COL25A1: variants seen among roughly 807,000 people sequenced by gnomAD.
COL25A1 encodes the protein collagen alpha-1(XXV) chain.
Under a neutral mutation model 128.4 loss-of-function variants are expected in COL25A1, and 103 were observed. That is an observed-to-expected ratio of 0.80 (90% CI 0.68 to 0.94). The LOEUF is 0.94. COL25A1 is among the 40% of genes least tolerant of loss of function. The pLI is 0.00. For missense variants in COL25A1, 745 were observed against 840.0 expected (o/e 0.89, Z 1.40); for synonymous variants, 279 against 277.2 (o/e 1.01, Z -0.06).
intron 3 of COL25A1, among the ~76,000 whole-genome samples, chr4:109,159,044 G>A (rs897245116): frequency 2.0e-5 from 3 of 151,988 alleles, no homozygotes; most frequent in Admixed American, 2.0e-4. Context: ...AGTAAGTGGA[G>A]CAATCCATAA....
intron 8 of COL25A1, among the ~76,000 whole-genome samples, chr4:108,970,260 T>C (rs1018523583): frequency 1.3e-5 from 2 of 152,172 alleles, no homozygotes; most frequent in Non-Finnish European, 2.9e-5. Flanking sequence ...CAAAATAAGA[T>C]AAGCACAGAT....
chr4:108,831,018 G>C (rs1003208154), intron 32 of COL25A1, among the ~76,000 whole-genome samples: 6 of 152,152 alleles, frequency 3.9e-5, no homozygotes, highest in Non-Finnish European at 8.8e-5. Flanking sequence ...CTTTCTACAA[G>C]CATTCTTGGA....
intron 3 of COL25A1, among the ~76,000 whole-genome samples, chr4:109,135,598 C>G (rs1458316078): frequency 6.6e-6 from 1 of 151,952 alleles, no homozygotes; most frequent in South Asian, 2.1e-4. Flanking sequence ...CAGCTTAAGT[C>G]AAAATGGGGA....
At chr4:108,882,683 G>C in intron 19 of COL25A1, among the ~76,000 whole-genome samples, 1 of 152,056 alleles carries the variant, frequency 6.6e-6, no homozygotes, top group East Asian at 1.9e-4. Flanking sequence ...CAAATGATAA[G>C]GAAGTGACTT....
At chr4:108,965,569 A>C (rs913676598) in intron 8 of COL25A1, among the ~76,000 whole-genome samples, 5 of 152,210 alleles carry the variant, frequency 3.3e-5, no homozygotes, top group Non-Finnish European at 7.3e-5. Flanking sequence ...CTATGTTTTT[A>C]AGTCACTAAG....
chr4:109,218,363 T>TTTTG, intron 3 of COL25A1, among the ~76,000 whole-genome samples: 1 of 135,796 alleles, frequency 7.4e-6, no homozygotes, highest in Admixed American at 7.5e-5. Context: ...TGGGGTTTTT[T>TTTTG]TTTTTTTTTT....
At chr4:109,237,743 G>C (rs937291836) in intron 3 of COL25A1, among the ~76,000 whole-genome samples, 1 of 150,144 alleles carries the variant, frequency 6.7e-6, no homozygotes, top group African/African-American at 2.5e-5. Context: ...TCATATTGTT[G>C]TACAACCATC....
intron 11 of COL25A1, among the ~76,000 whole-genome samples, chr4:108,937,085 G>A (rs1293890839): frequency 3.9e-5 from 6 of 151,932 alleles, no homozygotes; most frequent in Non-Finnish European, 5.9e-5. Flanking sequence ...AGTGTGAGCC[G>A]TCCTCTGGCA....
chr4:108,953,042 T>C (rs190016680), intron 8 of COL25A1, among the ~76,000 whole-genome samples: 12 of 152,152 alleles, frequency 7.9e-5, no homozygotes, highest in African/African-American at 2.9e-4. Flanking sequence ...AAGAAGTAGA[T>C]GCCTATAATG....
intron 6 of COL25A1, among the ~76,000 whole-genome samples, chr4:108,996,188 G>C (rs1004922794): frequency 2.7e-5 from 4 of 150,638 alleles, no homozygotes; most frequent in Non-Finnish European, 5.9e-5. Flanking sequence ...TGGATAAAGA[G>C]TCAGGACCCA....
In COL25A1 at chr4:108,898,993, A is replaced by ATATCTC. The variant is rs1230785608; in HGVS notation, c.861+160_861+161insGAGATA. 3.1e-3 allele frequency among the ~76,000 whole-genome samples: 122 copies of ATATCTC among 38,922 alleles called. No homozygotes were observed. In the East Asian group the frequency reaches 0.13, roughly 40 times the overall value. The allele number at this position is 38,922 out of a possible 152,430, so 25.5% of individuals were successfully genotyped here. On this transcript the variant is annotated intron_variant, in intron 15 of 37. Coordinates refer to ENST00000399132, the MANE Select transcript of COL25A1 (RefSeq NM_198721.4). The stretch of plus-strand genomic sequence containing the variant: ...GAGTCATATCTATATCTATATATCT[A>ATATCTC]TATATCTATATATCTATATACCTAC...
intron 12 of COL25A1, among the ~76,000 whole-genome samples, chr4:108,919,229 CAG>C (rs919467698): frequency 1.3e-5 from 2 of 151,986 alleles, no homozygotes; most frequent in Non-Finnish European, 2.9e-5. Flanking sequence ...ACTAAAAAAA[CAG>C]TAATTATAAT....
chr4:109,292,637 T>G (rs541494497), intron 3 of COL25A1, among the ~76,000 whole-genome samples: 1 of 151,994 alleles, frequency 6.6e-6, no homozygotes, highest in African/African-American at 2.4e-5. Context: ...AGTATATCTA[T>G]GGGGGTTTGG....
At chr4:109,284,231 C>G (rs1723652482) in intron 3 of COL25A1, among the ~76,000 whole-genome samples, 1 of 152,204 alleles carries the variant, frequency 6.6e-6, no homozygotes, top group Non-Finnish European at 1.5e-5. Context: ...TTGAGACCAG[C>G]CTGGCCAACA....
At chr4:109,198,524 T>C (rs983706066) in intron 3 of COL25A1, among the ~76,000 whole-genome samples, 8 of 152,148 alleles carry the variant, frequency 5.3e-5, no homozygotes, top group Admixed American at 3.9e-4. Flanking sequence ...GTAAAACTCA[T>C]TGAACAATCA....
chr4:109,128,232 C>A (rs2126064354), intron 3 of COL25A1, among the ~76,000 whole-genome samples: 1 of 152,280 alleles, frequency 6.6e-6, no homozygotes, highest in South Asian at 2.1e-4. Flanking sequence ...CCAAACAGAT[C>A]TGCTGGCACA....
At chr4:108,943,142 T>C (rs1285108486) in intron 8 of COL25A1, among the ~76,000 whole-genome samples, 8 of 152,194 alleles carry the variant, frequency 5.3e-5, no homozygotes, top group Admixed American at 3.3e-4. Flanking sequence ...GATCTGTGTC[T>C]ACACGGTGTA....
chr4:109,263,017 T>C (rs1781552150), intron 3 of COL25A1, among the ~76,000 whole-genome samples: 1 of 151,984 alleles, frequency 6.6e-6, no homozygotes, highest in Admixed American at 6.6e-5. Context: ...TAATTCCAAC[T>C]ACTCAGGAGG....
intron 6 of COL25A1, among the ~76,000 whole-genome samples, chr4:108,991,155 G>GT (rs1400638156): frequency 6.6e-6 from 1 of 152,174 alleles, no homozygotes; most frequent in Non-Finnish European, 1.5e-5. Context: ...GCAAAACATT[G>GT]TTGGACTAAG....
Sources: allele counts gnomAD v4.1 joint callset (sites outside exome capture counted in the v4.1 genomes callset), GRCh38; gene constraint gnomAD v4.1.1; transcripts MANE v1.5; gene names NCBI Gene and HGNC (gene_info 2026-07-23, HGNC 2026-07-21).